ZBTB20: variants seen among roughly 807,000 people sequenced by gnomAD.
The protein encoded by ZBTB20 is zinc finger and BTB domain containing 20.
ZBTB20 carries 9 observed loss-of-function variants against 56.9 expected under a neutral mutation model. The observed-to-expected ratio is 0.16, with a 90% CI of 0.10 to 0.28. The LOEUF is 0.28. Ranked by LOEUF, ZBTB20 falls within the 10% of genes least tolerant of loss-of-function variation. The pLI is 1.00. For synonymous variants in ZBTB20, 417 were observed against 420.7 expected, an observed-to-expected ratio of 0.99 and a Z score of 0.11; for missense variants, 655 against 1,003.0, an observed-to-expected ratio of 0.65 and a Z score of 4.69.
At chr3:114,436,106 C>T (rs2090496645) in intron 7 of ZBTB20, among the ~76,000 whole-genome samples, 1 of 152,162 alleles carries the variant, frequency 6.6e-6, no homozygotes, top group South Asian at 2.1e-4. Flanking sequence ...CATTTCCTGG[C>T]AACAAATACT....
At chr3:114,615,243 G>T (rs1264225990) in intron 6 of ZBTB20, among the ~76,000 whole-genome samples, 1 of 152,150 alleles carries the variant, frequency 6.6e-6, no homozygotes, top group South Asian at 2.1e-4. Context: ...TTATATAAAT[G>T]TATTTTCCTT....
At chr3:114,751,617 T>C (rs1193224159) in intron 5 of ZBTB20, among the ~76,000 whole-genome samples, 1 of 152,108 alleles carries the variant, frequency 6.6e-6, no homozygotes, top group Non-Finnish European at 1.5e-5. Context: ...CCATCACTGA[T>C]TGAATAAAGA....
At chr3:114,997,866 CT>C (rs926643201) in intron 2 of ZBTB20, among the ~76,000 whole-genome samples, 5 of 151,146 alleles carry the variant, frequency 3.3e-5, no homozygotes, top group South Asian at 2.1e-4. Flanking sequence ...GATGTGTCTA[CT>C]TTTTTTTGAC....
At chr3:115,055,144 C>T (rs1036266791) in intron 2 of ZBTB20, among the ~76,000 whole-genome samples, 1 of 151,458 alleles carries the variant, frequency 6.6e-6, no homozygotes, top group Admixed American at 6.6e-5. Context: ...AACTTACAAA[C>T]TTTTGCTCCC....
At chr3:114,946,189 C>A (rs749356353) in intron 3 of ZBTB20, among the ~76,000 whole-genome samples, 1 of 145,346 alleles carries the variant, frequency 6.9e-6, no homozygotes, top group Non-Finnish European at 1.5e-5. Flanking sequence ...CAGAATCCTG[C>A]ACCCAATAGC....
chr3:114,380,714 G>C, intron 9 of ZBTB20, 63 bp downstream of exon 9: 1 of 1,457,214 alleles, frequency 6.9e-7, no homozygotes, highest in Non-Finnish European at 9.0e-7. Context: ...ATCCAAGAAA[G>C]CATCCCTCTT....
Position 114,324,298 on chromosome 3 carries a change from A to T in ZBTB20, c.*14707T>A, listed in dbSNP as rs972359651. The T allele has an allele frequency of 1.8e-4, 27 of 152,334 alleles. No individual in the cohort carries two copies. Among genetic ancestry groups the T allele is most frequent in the Non-Finnish European group, 3.4e-4 (23 of 68,014 alleles). 9.4% of individuals were successfully genotyped at this position (152,334 alleles called of 1,614,324 possible). The stretch of plus-strand genomic sequence containing the variant: ...CTCTAATGCTAAGGGGAATGGGTTC[A>T]GAAAAAGATAAAGCTTTCCTGTTTC... On this transcript the variant is annotated 3_prime_UTR_variant, in exon 12 of 12. Coordinates refer to ENST00000675478, the MANE Select transcript of ZBTB20 (RefSeq NM_001348800.3).
chr3:114,552,361 C>G (rs1451486999), intron 6 of ZBTB20, among the ~76,000 whole-genome samples: 2 of 151,806 alleles, frequency 1.3e-5, no homozygotes, highest in African/African-American at 4.8e-5. Flanking sequence ...ATTAGGAAAT[C>G]TATCCCAAAA....
At chr3:114,521,560 A>T (rs890725498) in intron 6 of ZBTB20, among the ~76,000 whole-genome samples, 7 of 152,034 alleles carry the variant, frequency 4.6e-5, no homozygotes, top group African/African-American at 1.7e-4. Flanking sequence ...TCCCCATTGC[A>T]CCACATTAGC....
intron 4 of ZBTB20, among the ~76,000 whole-genome samples, chr3:114,825,470 C>G (rs1022729944): frequency 1.3e-5 from 2 of 151,858 alleles, no homozygotes; most frequent in African/African-American, 2.4e-5. Flanking sequence ...ATGTTTCTCT[C>G]ATAACTCCAG....
intron 6 of ZBTB20, among the ~76,000 whole-genome samples, chr3:114,620,299 TC>T (rs1481177474): frequency 6.6e-6 from 1 of 152,140 alleles, no homozygotes; most frequent in African/African-American, 2.4e-5. Flanking sequence ...TCTTTTCTTT[TC>T]TTTTTTTTTG....
At chr3:114,454,991 G>GAC (rs1491442010) in intron 7 of ZBTB20, among the ~76,000 whole-genome samples, 1 of 144,246 alleles carries the variant, frequency 6.9e-6, no homozygotes, top group African/African-American at 2.6e-5. Context: ...GAGAGAGAGA[G>GAC]ACACCAACCG....
intron 6 of ZBTB20, among the ~76,000 whole-genome samples, chr3:114,690,849 T>C (rs1377034088): frequency 6.6e-6 from 1 of 152,188 alleles, no homozygotes; most frequent in Non-Finnish European, 1.5e-5. Context: ...TATCTGGTAT[T>C]GGTTGGCTGT....
chr3:114,500,960 G>A (rs1392461344), intron 6 of ZBTB20, among the ~76,000 whole-genome samples: 1 of 152,144 alleles, frequency 6.6e-6, no homozygotes, highest in Non-Finnish European at 1.5e-5. Flanking sequence ...ACCAATTTTA[G>A]CTAATTTTGA....
intron 10 of ZBTB20, among the ~76,000 whole-genome samples, chr3:114,357,387 T>C (rs1201524278): frequency 2.6e-5 from 4 of 152,220 alleles, no homozygotes; most frequent in Non-Finnish European, 5.9e-5. Context: ...CTACTTATTA[T>C]TTTATCTAGA....
intron 3 of ZBTB20, among the ~76,000 whole-genome samples, chr3:114,920,662 T>A (rs2075922522): frequency 1.3e-5 from 2 of 148,822 alleles, no homozygotes; most frequent in East Asian, 2.0e-4. Flanking sequence ...AGAAGAAAAA[T>A]CTCAAACAAC....
At chr3:114,869,335 C>A (rs575445684) in intron 4 of ZBTB20, among the ~76,000 whole-genome samples, 1 of 152,206 alleles carries the variant, frequency 6.6e-6, no homozygotes, top group South Asian at 2.1e-4. Flanking sequence ...TTAAAATAGT[C>A]TTTTATTAAT....
At chr3:114,994,129 A>C (rs2078931128) in intron 2 of ZBTB20, among the ~76,000 whole-genome samples, 1 of 151,888 alleles carries the variant, frequency 6.6e-6, no homozygotes. Context: ...AATGTATCTC[A>C]AACAATATAG....
At chr3:114,954,634 G>C (rs2077186337) in intron 3 of ZBTB20, among the ~76,000 whole-genome samples, 1 of 152,192 alleles carries the variant, frequency 6.6e-6, no homozygotes, top group African/African-American at 2.4e-5. Flanking sequence ...CGACTAAGCA[G>C]TGTGAGTTTA....
Sources: allele counts gnomAD v4.1 joint callset (sites outside exome capture counted in the v4.1 genomes callset), GRCh38; gene constraint gnomAD v4.1.1; transcripts MANE v1.5; gene names NCBI Gene and HGNC (gene_info 2026-07-23, HGNC 2026-07-21).